GRIK2: variants seen among roughly 807,000 people sequenced by gnomAD.
GRIK2 encodes glutamate ionotropic receptor kainate type subunit 2.
In GRIK2, 32 loss-of-function variants were observed where a neutral mutation model predicts 100.3. The observed-to-expected ratio is 0.32, with a 90% CI of 0.24 to 0.43. The LOEUF is 0.43. Among genes scored for constraint, GRIK2 ranks in the 20% least tolerant of loss-of-function variants. The pLI is 1.00. For missense variants in GRIK2, 843 were observed against 1,114.9 expected (o/e 0.76, Z 3.47); for synonymous variants, 417 against 389.4 (o/e 1.07, Z -0.83).
At chr6:101,521,588 T>TG (rs1001347184) in intron 2 of GRIK2, among the ~76,000 whole-genome samples, 31 of 151,942 alleles carry the variant, frequency 2.0e-4, no homozygotes, top group Non-Finnish European at 4.1e-4. Flanking sequence ...TGTAAAACAT[T>TG]GCTAGTGTTT....
chr6:102,067,231 C>T (rs1772062909), intron 16 of GRIK2, among the ~76,000 whole-genome samples: 1 of 151,698 alleles, frequency 6.6e-6, no homozygotes, highest in African/African-American at 2.4e-5. Flanking sequence ...AAATGCATTA[C>T]CTCACATATT....
chr6:101,566,226 TG>T (rs1187469354), intron 2 of GRIK2, among the ~76,000 whole-genome samples: 2 of 151,754 alleles, frequency 1.3e-5, no homozygotes, highest in Non-Finnish European at 2.9e-5. Flanking sequence ...TCTTCTTAAA[TG>T]AAGCCAATTT....
intron 12 of GRIK2, among the ~76,000 whole-genome samples, chr6:101,915,972 A>G (rs190137535): frequency 3.0e-4 from 46 of 151,526 alleles, no homozygotes; most frequent in African/African-American, 9.9e-4. Flanking sequence ...TCTTGCTTTT[A>G]GTATTTCTTC....
At chr6:101,539,487 G>T (rs770371109) in intron 2 of GRIK2, among the ~76,000 whole-genome samples, 10 of 151,728 alleles carry the variant, frequency 6.6e-5, no homozygotes, top group Non-Finnish European at 1.5e-4. Flanking sequence ...ACTATAAAGT[G>T]TCATCTCAGA....
chr6:101,587,304 A>G (rs755480858), intron 2 of GRIK2, among the ~76,000 whole-genome samples: 7 of 152,106 alleles, frequency 4.6e-5, no homozygotes, highest in Non-Finnish European at 1.0e-4. Flanking sequence ...ATGTGACACA[A>G]GTGAAAAAGA....
intron 4 of GRIK2, among the ~76,000 whole-genome samples, chr6:101,651,224 C>G (rs1430516784): frequency 2.0e-5 from 3 of 152,118 alleles, no homozygotes; most frequent in Non-Finnish European, 4.4e-5. Context: ...ATTCTACTCA[C>G]TTATCACTTG....
intron 11 of GRIK2, among the ~76,000 whole-genome samples, chr6:101,876,138 G>A (rs536091349): frequency 1.3e-5 from 2 of 151,814 alleles, no homozygotes; most frequent in East Asian, 1.9e-4. Flanking sequence ...AAGAAAACAT[G>A]TTTAGGTGAG....
chr6:101,504,566 A>G (rs933282930), intron 2 of GRIK2, among the ~76,000 whole-genome samples: 6 of 151,698 alleles, frequency 4.0e-5, no homozygotes, highest in Non-Finnish European at 8.8e-5. Context: ...TGGCTACTAT[A>G]TATAAAATAT....
intron 12 of GRIK2, among the ~76,000 whole-genome samples, chr6:101,892,320 T>C (rs1787159046): frequency 6.6e-6 from 1 of 152,152 alleles, no homozygotes; most frequent in African/African-American, 2.4e-5. Flanking sequence ...TGGTTTCCTT[T>C]CTAGCTTAAA....
intron 14 of GRIK2, among the ~76,000 whole-genome samples, chr6:102,019,290 C>A (rs1450271176): frequency 6.6e-6 from 1 of 152,062 alleles, no homozygotes; most frequent in Non-Finnish European, 1.5e-5. Context: ...GCAAAGGCAG[C>A]ATTCCTGGAC....
At chr6:101,534,791 T>C (rs1775607943) in intron 2 of GRIK2, among the ~76,000 whole-genome samples, 2 of 151,836 alleles carry the variant, frequency 1.3e-5, no homozygotes. Context: ...ATCTTAGTAT[T>C]TTTCTCTGAC....
At chr6:101,443,922 T>C (rs1770223786) in intron 2 of GRIK2, among the ~76,000 whole-genome samples, 1 of 152,104 alleles carries the variant, frequency 6.6e-6, no homozygotes, top group Non-Finnish European at 1.5e-5. Flanking sequence ...TCTCACTCTG[T>C]CTTCTCGGCT....
chr6:101,744,491 G>GGTGTGTGT (rs140514807), intron 7 of GRIK2: 21 of 111,532 alleles, frequency 1.9e-4, no homozygotes, highest in African/African-American at 6.8e-4. Context: ...AGTATTCCAT[G>GGTGTGTGT]GTGTGTGTGT....
intron 2 of GRIK2, among the ~76,000 whole-genome samples, chr6:101,591,813 C>T (rs902391938): frequency 1.3e-5 from 2 of 151,868 alleles, no homozygotes; most frequent in African/African-American, 4.8e-5. Context: ...ATACAATGGG[C>T]TTTGTATTTA....
In GRIK2 at chr6:101,491,381, T is replaced by A. The variant is rs77684878; in HGVS notation, c.115+91989T>A. Among the ~76,000 whole-genome samples the A allele has an allele frequency of 7.8e-3, 1,187 of 151,594 alleles. 14 individuals are homozygous for A. Among genetic ancestry groups the A allele is most frequent in the African/African-American group, 0.027 (1,109 of 41,368 alleles). On this transcript the variant is annotated intron_variant, in intron 2 of 16. Transcript: ENST00000369134. ...GGCCTGAAAAACCTCAAGTCAGAAA[T>A]ATAGTTAGGTCCTCTTGGATTGAGC...
intron 2 of GRIK2, among the ~76,000 whole-genome samples, chr6:101,590,875 A>G (rs1447673316): frequency 3.3e-5 from 5 of 151,922 alleles, no homozygotes; most frequent in Admixed American, 3.3e-4. Flanking sequence ...ATGAAATTTT[A>G]TTTTTCCTGC....
intron 9 of GRIK2, among the ~76,000 whole-genome samples, chr6:101,816,322 T>G (rs1485877743): frequency 1.3e-5 from 2 of 152,154 alleles, no homozygotes; most frequent in Non-Finnish European, 2.9e-5. Flanking sequence ...TGACAGTCAT[T>G]CACTGCAAAA....
intron 7 of GRIK2, among the ~76,000 whole-genome samples, chr6:101,695,267 T>TG (rs964798775): frequency 1.3e-4 from 20 of 152,038 alleles, no homozygotes; most frequent in African/African-American, 4.8e-4. Flanking sequence ...CCTCACATGG[T>TG]GGGAGAAACC....
In GRIK2 at chr6:101,872,576, G is replaced by A. The variant is rs147222377; in HGVS notation, c.1524+13083G>A. 3.7e-3 allele frequency among the ~76,000 whole-genome samples: 567 copies of A among 151,772 alleles called. 1 individual carries two copies. Among genetic ancestry groups the A allele is most frequent in the Non-Finnish European group, 4.9e-3 (331 of 67,834 alleles). On this transcript the variant is annotated intron_variant, in intron 11 of 16. Transcript: ENST00000369134. ...GAACCACAATTCAAGATTAGATTTG[G>A]GTGGGGACACAGCCAAACCATATTA...
Sources: gnomAD v4.1 joint callset for allele counts (sites outside exome capture counted in the v4.1 genomes callset) on GRCh38, gnomAD v4.1.1 for gene constraint, MANE v1.5 for transcripts, NCBI Gene and HGNC (gene_info 2026-07-23, HGNC 2026-07-21) for gene names.